The following FRS2 variants were observed in gnomAD, a reference collection of about 807,000 sequenced individuals.
FRS2 encodes the protein fibroblast growth factor receptor substrate 2.
Under a neutral mutation model 43.9 loss-of-function variants are expected in FRS2, and 8 were observed. That is an observed-to-expected ratio of 0.18 (90% CI 0.11 to 0.33). The LOEUF is 0.33. Among genes scored for constraint, FRS2 ranks in the 10% least tolerant of loss-of-function variants. FRS2 has a pLI of 1.00. For missense variants in FRS2, 534 were observed against 627.6 expected (o/e 0.85, Z 1.59); for synonymous variants, 219 against 220.3 (o/e 0.99, Z 0.05).
chr12:69,540,785 A>G (rs1002906207), intron 3 of FRS2, among the ~76,000 whole-genome samples: 11 of 152,218 alleles, frequency 7.2e-5, no homozygotes, highest in Non-Finnish European at 1.3e-4. Context: ...GTAGGTTGTC[A>G]GGGGTAACAT....
chr12:69,495,402 G>A (rs977196231), intron 1 of FRS2, among the ~76,000 whole-genome samples: 5 of 152,196 alleles, frequency 3.3e-5, no homozygotes, highest in Non-Finnish European at 5.9e-5. Context: ...CTAGCATTTA[G>A]CTGCTAGTCT....
Position 69,511,810 on chromosome 12 carries a change from G to T in FRS2, c.-260-19055G>T, listed in dbSNP as rs527881715. Among the ~76,000 whole-genome samples, 9 of 152,314 alleles carry T rather than the reference G, an allele frequency of 5.9e-5. No homozygotes were observed. In the East Asian group the frequency reaches 1.7e-3, roughly 29 times the overall value. On this transcript the variant is annotated intron_variant, in intron 1 of 8. Coordinates refer to ENST00000549921, the MANE Select transcript of FRS2 (RefSeq NM_001278356.2). ...CACAGTGTTAGTAGTTATGAAGTTT[G>T]TTTTGAGGATTAAATGAACAATGTA...
chr12:69,484,042 T>C (rs1871592127), intron 1 of FRS2, among the ~76,000 whole-genome samples: 1 of 152,168 alleles, frequency 6.6e-6, no homozygotes, highest in African/African-American at 2.4e-5. Flanking sequence ...TCCTAAGACA[T>C]GAACTTTAAA....
intron 3 of FRS2, among the ~76,000 whole-genome samples, chr12:69,552,937 T>C (rs903277384): frequency 6.6e-6 from 1 of 152,042 alleles, no homozygotes; most frequent in African/African-American, 2.4e-5. Flanking sequence ...TAAATGTTTA[T>C]TAAGTGGTGG....
chr12:69,503,000 T>G (rs1230726894), intron 1 of FRS2, among the ~76,000 whole-genome samples: 1 of 152,206 alleles, frequency 6.6e-6, no homozygotes, highest in Non-Finnish European at 1.5e-5. Flanking sequence ...ACATCAAAAA[T>G]CTGGATACAT....
At chr12:69,573,793 A>G (rs1212762018) in intron 8 of FRS2, among the ~76,000 whole-genome samples, 1 of 152,232 alleles carries the variant, frequency 6.6e-6, no homozygotes, top group Admixed American at 6.5e-5. Context: ...TTATTCTTTT[A>G]TCAAATTAGG....
intron 3 of FRS2, among the ~76,000 whole-genome samples, chr12:69,549,877 CTT>C (rs1878723850): frequency 6.6e-6 from 1 of 152,188 alleles, no homozygotes; most frequent in Non-Finnish European, 1.5e-5. Flanking sequence ...GGGTTGTCCT[CTT>C]GTTTCTTGGA....
intron 1 of FRS2, among the ~76,000 whole-genome samples, chr12:69,522,714 T>C (rs1875811581): frequency 6.6e-6 from 1 of 152,190 alleles, no homozygotes; most frequent in Non-Finnish European, 1.5e-5. Context: ...CCTTCTGACT[T>C]TTTTATGTGA....
chr12:69,535,126 C>T (rs1407115599), intron 3 of FRS2, among the ~76,000 whole-genome samples: 2 of 151,948 alleles, frequency 1.3e-5, no homozygotes, highest in Non-Finnish European at 2.9e-5. Context: ...AGTGTTTTTT[C>T]CTCAAGGCAT....
At chr12:69,532,507 C>G (rs1876903666) in intron 3 of FRS2, among the ~76,000 whole-genome samples, 1 of 152,112 alleles carries the variant, frequency 6.6e-6, no homozygotes, top group Admixed American at 6.5e-5. Flanking sequence ...TGTGTCCTTG[C>G]ATGGCAGAAG....
At chr12:69,514,368 C>A (rs1592967653) in intron 1 of FRS2, among the ~76,000 whole-genome samples, 1 of 152,260 alleles carries the variant, frequency 6.6e-6, no homozygotes, top group South Asian at 2.1e-4. Context: ...CACCTCTGCC[C>A]CAGACTTGAC....
chr12:69,532,434 T>C (rs1330497229), intron 3 of FRS2, among the ~76,000 whole-genome samples: 1 of 152,174 alleles, frequency 6.6e-6, no homozygotes, highest in East Asian at 1.9e-4. Context: ...GGAGCTCTCT[T>C]AGGGGCTGGT....
chr12:69,564,183 C>G (rs925322212), intron 4 of FRS2, among the ~76,000 whole-genome samples: 6 of 151,936 alleles, frequency 3.9e-5, no homozygotes, highest in African/African-American at 1.5e-4. Context: ...GCATCTGTCT[C>G]TGCCATGGAT....
Position 69,579,522 on chromosome 12 carries a change from C to G in FRS2, c.*4567C>G, listed in dbSNP as rs1881416280. 1.3e-5 allele frequency: 2 copies of G among 152,694 alleles called. No homozygotes were observed. The highest frequency in any genetic ancestry group is 4.8e-5 in the African/African-American group (2 of 41,540). 9.5% of individuals were successfully genotyped at this position (152,694 alleles called of 1,614,324 possible). ...TTATTGTAGAGTATTAGTATACTGT[C>G]CTACAAATTATGTAAAATATGGTTT... On this transcript the variant is annotated 3_prime_UTR_variant, in exon 9 of 9. Transcript: ENST00000549921.
rs756403029 is a variant in FRS2, at chr12:69,574,592, A to C, written c.1164A>C (p.Pro388=). 6.2e-7 allele frequency: 1 copy of C among 1,613,908 alleles called. No individual in the cohort carries two copies. The highest frequency in any genetic ancestry group is 8.5e-7 in the Non-Finnish European group (1 of 1,179,850). The change falls in exon 9 of 9, where the codon CCA becomes CCC. Residue 388 remains proline, a synonymous_variant. Transcript: ENST00000549921. ...SLNGYHNNLD[P]MHNYVNTENV... is the part of the protein sequence containing the mutation. Reference sequence around the variant, plus strand: ...ATGGCTACCATAATAATCTAGATCCAATGCATAACTATGTAAATACAGAGA... The same window carrying C: ...ATGGCTACCATAATAATCTAGATCCCATGCATAACTATGTAAATACAGAGA...
chr12:69,565,777 TGG>T (rs1880244517), intron 4 of FRS2, among the ~76,000 whole-genome samples: 1 of 152,170 alleles, frequency 6.6e-6, no homozygotes, highest in Non-Finnish European at 1.5e-5. Context: ...CACCTTCTTC[TGG>T]AATACCTCCT....
intron 1 of FRS2, among the ~76,000 whole-genome samples, chr12:69,489,485 C>T (rs939863643): frequency 1.3e-5 from 2 of 151,992 alleles, no homozygotes; most frequent in African/African-American, 4.8e-5. Context: ...GCCTGGGCAA[C>T]ATGGTGAAAT....
At chr12:69,554,872 C>CT (rs747422811) in intron 3 of FRS2, among the ~76,000 whole-genome samples, 370 of 133,326 alleles carry the variant, frequency 2.8e-3, no homozygotes, top group Admixed American at 5.6e-3. Context: ...GCCCAGCTAA[C>CT]TTTTTTTTTT....
intron 1 of FRS2, among the ~76,000 whole-genome samples, chr12:69,486,945 C>T (rs763967698): frequency 4.6e-5 from 7 of 152,152 alleles, no homozygotes; most frequent in Non-Finnish European, 8.8e-5. Flanking sequence ...GGAAAGAGGC[C>T]ATCTATGTAA....
Sources: gnomAD v4.1 joint callset for allele counts (sites outside exome capture counted in the v4.1 genomes callset) on GRCh38, gnomAD v4.1.1 for gene constraint, MANE v1.5 for transcripts, NCBI Gene and HGNC (gene_info 2026-07-23, HGNC 2026-07-21) for gene names.